The following SNTG2 variants were observed in gnomAD, a reference collection of about 807,000 sequenced individuals.
SNTG2 encodes the protein gamma-2-syntrophin.
In SNTG2, 74 loss-of-function variants were observed where a neutral mutation model predicts 70.9. The ratio of observed to expected loss-of-function variants is 1.04; its 90% confidence interval spans 0.86 to 1.27. The LOEUF (loss-of-function observed/expected upper bound fraction) is 1.27, where lower values mean the gene tolerates loss of function less well. SNTG2 is among the 50% of genes most tolerant of loss of function. The pLI is 0.00. For synonymous variants in SNTG2, 278 were observed against 273.8 expected, an observed-to-expected ratio of 1.02 and a Z score of -0.15; for missense variants, 717 against 690.7, an observed-to-expected ratio of 1.04 and a Z score of -0.43.
chr2:1,156,507 C>T (rs953355441), intron 6 of SNTG2, among the ~76,000 whole-genome samples: 63 of 152,310 alleles, frequency 4.1e-4, no homozygotes, highest in African/African-American at 1.5e-3. Flanking sequence ...TCCTGCCCTG[C>T]GCTAGAGTCC....
At chr2:1,245,708 AAAG>A (rs1677382827) in intron 11 of SNTG2, among the ~76,000 whole-genome samples, 1 of 152,234 alleles carries the variant, frequency 6.6e-6, no homozygotes, top group East Asian at 1.9e-4. Context: ...ACCAGACAAA[AAAG>A]GAAAAAATCT....
intron 1 of SNTG2, among the ~76,000 whole-genome samples, chr2:1,003,462 A>T (rs1331258618): frequency 1.3e-5 from 2 of 152,204 alleles, no homozygotes; most frequent in African/African-American, 4.8e-5. Context: ...TCCATAATTA[A>T]CAGGGAGCAT....
chr2:1,093,228 G>T (rs1665152439), intron 2 of SNTG2, among the ~76,000 whole-genome samples: 1 of 152,154 alleles, frequency 6.6e-6, no homozygotes, highest in African/African-American at 2.4e-5. Context: ...TAAGGGGTAT[G>T]TACTGGGAGA....
Position 979,937 on chromosome 2 carries a change from T to C in SNTG2, c.72+28869T>C, listed in dbSNP as rs990097219. On this transcript the variant is annotated intron_variant, in intron 1 of 16. Transcript: ENST00000308624. Reference sequence around the variant, plus strand: ...AAAGAATTATGCCACATTTTGTTAATAATTAAGTATATAAATAATTAAGTA... The same window carrying C: ...AAAGAATTATGCCACATTTTGTTAACAATTAAGTATATAAATAATTAAGTA... 2.6e-5 allele frequency among the ~76,000 whole-genome samples: 4 copies of C among 152,126 alleles called. No individual in the cohort carries two copies. The South Asian group carries it at 8.3e-4, about 32-fold the overall frequency.
At chr2:1,334,457 G>GA (rs1028048213) in intron 16 of SNTG2, among the ~76,000 whole-genome samples, 2 of 151,624 alleles carry the variant, frequency 1.3e-5, no homozygotes, top group Admixed American at 6.6e-5. Flanking sequence ...CTACCCAAAG[G>GA]AAAAAAAAGT....
In SNTG2 at chr2:1,355,114, C is replaced by T. The variant is rs75071780; in HGVS notation, c.1489-12229C>T. On this transcript the variant is annotated intron_variant, in intron 16 of 16. Coordinates refer to ENST00000308624, the MANE Select transcript of SNTG2 (RefSeq NM_018968.4). ...ATTTCACACCGTGGTTCTTATTCAT[C>T]TCTCAACGTTAGTGCCATTTATACC... Among the ~76,000 whole-genome samples the T allele has an allele frequency of 1.6e-3, 250 of 152,360 alleles. 1 individual carries two copies. The highest frequency in any genetic ancestry group is 6.8e-3 in the Middle Eastern group (2 of 294).
At chr2:1,172,013 G>A (rs933939096) in intron 7 of SNTG2, among the ~76,000 whole-genome samples, 1 of 152,164 alleles carries the variant, frequency 6.6e-6, no homozygotes, top group Non-Finnish European at 1.5e-5. Flanking sequence ...GCACAACAGG[G>A]CATCCCAAAT....
intron 8 of SNTG2, among the ~76,000 whole-genome samples, chr2:1,203,222 C>T (rs1673387474): frequency 6.6e-6 from 1 of 152,166 alleles, no homozygotes; most frequent in South Asian, 2.1e-4. Flanking sequence ...TATCCTGCAA[C>T]TGGTGAATTC....
At chr2:1,339,037 T>A (rs759926774) in intron 16 of SNTG2, among the ~76,000 whole-genome samples, 4 of 152,232 alleles carry the variant, frequency 2.6e-5, no homozygotes, top group Non-Finnish European at 5.9e-5. Flanking sequence ...TTCTCCTTTT[T>A]AAAATATTAT....
intron 9 of SNTG2, among the ~76,000 whole-genome samples, chr2:1,232,082 G>A (rs1676291091): frequency 6.6e-6 from 1 of 152,106 alleles, no homozygotes; most frequent in African/African-American, 2.4e-5. Flanking sequence ...GGCCTGCACG[G>A]ATGGGGCCTC....
intron 12 of SNTG2, among the ~76,000 whole-genome samples, chr2:1,254,109 C>T (rs1024629176): frequency 5.3e-4 from 80 of 152,182 alleles, no homozygotes; most frequent in African/African-American, 1.7e-3. Flanking sequence ...GAGATTTGGG[C>T]GGAGTCACAG....
intron 1 of SNTG2, among the ~76,000 whole-genome samples, chr2:1,019,347 C>A (rs556737995): frequency 1.2e-4 from 19 of 152,126 alleles, no homozygotes; most frequent in Non-Finnish European, 2.1e-4. Context: ...TCCAAACTGG[C>A]GTTTCCTGAT....
chr2:964,799 G>A (rs760550566), intron 1 of SNTG2, among the ~76,000 whole-genome samples: 4 of 152,160 alleles, frequency 2.6e-5, no homozygotes, highest in Non-Finnish European at 2.9e-5. Context: ...CAGCCTTGCC[G>A]TCCACTGCGT....
At chr2:1,287,469 G>A (rs565998535) in intron 14 of SNTG2, among the ~76,000 whole-genome samples, 1 of 152,298 alleles carries the variant, frequency 6.6e-6, no homozygotes, top group African/African-American at 2.4e-5. Flanking sequence ...TGTTCATGGG[G>A]AAGCTGAACT....
At chr2:1,233,309 C>A (rs1195652485) in intron 9 of SNTG2, among the ~76,000 whole-genome samples, 2 of 152,082 alleles carry the variant, frequency 1.3e-5, no homozygotes, top group East Asian at 3.9e-4. Flanking sequence ...CGGTTTGGGG[C>A]TTTAATGACA....
chr2:1,211,067 A>G (rs1417616537), intron 9 of SNTG2, among the ~76,000 whole-genome samples: 1 of 152,264 alleles, frequency 6.6e-6, no homozygotes, highest in Non-Finnish European at 1.5e-5. Context: ...AAATATAGAT[A>G]GATTACAGAG....
intron 2 of SNTG2, among the ~76,000 whole-genome samples, chr2:1,094,506 G>A (rs1665251466): frequency 1.5e-5 from 1 of 66,878 alleles, no homozygotes; most frequent in African/African-American, 7.0e-5. Context: ...AGAGTTACTG[G>A]CAAGGGCTGG....
At chr2:981,969 G>A (rs1572188103) in intron 1 of SNTG2, among the ~76,000 whole-genome samples, 1 of 152,074 alleles carries the variant, frequency 6.6e-6, no homozygotes, top group East Asian at 1.9e-4. Context: ...GATGTACACA[G>A]ATGCACACTC....
At chr2:1,123,279 G>T (rs1046489512) in intron 4 of SNTG2, among the ~76,000 whole-genome samples, 1 of 152,070 alleles carries the variant, frequency 6.6e-6, no homozygotes, top group African/African-American at 2.4e-5. Context: ...GAAAAAAAAA[G>T]TTGGAGGCAT....
Sources: gnomAD v4.1 joint callset for allele counts (sites outside exome capture counted in the v4.1 genomes callset) on GRCh38, gnomAD v4.1.1 for gene constraint, MANE v1.5 for transcripts, NCBI Gene and HGNC (gene_info 2026-07-23, HGNC 2026-07-21) for gene names.